The following USP10 variants were observed in gnomAD, a reference collection of about 807,000 sequenced individuals.
The protein encoded by USP10 is ubiquitin carboxyl-terminal hydrolase 10.
In USP10, 22 loss-of-function variants were observed where a neutral mutation model predicts 84.5. The observed-to-expected ratio is 0.26, with a 90% confidence interval of 0.19 to 0.37. USP10 has a LOEUF of 0.37. Ranked by LOEUF, USP10 falls within the 10% of genes least tolerant of loss-of-function variation. The pLI, the probability that USP10 is intolerant of heterozygous loss-of-function variation, is 1.00. For missense variants in USP10, 1,019 were observed against 998.9 expected, an observed-to-expected ratio of 1.02 and a Z score of -0.27; for synonymous variants, 454 against 387.6, an observed-to-expected ratio of 1.17 and a Z score of -2.01.
At chr16:84,711,150 A>G (rs1906234103) in intron 1 of USP10, among the ~76,000 whole-genome samples, 1 of 152,192 alleles carries the variant, frequency 6.6e-6, no homozygotes. Flanking sequence ...TTGGCTTGGC[A>G]TTCATTAAGT....
intron 8 of USP10, 83 bp downstream of exon 8, chr16:84,760,358 T>G: frequency 8.1e-7 from 1 of 1,236,636 alleles, no homozygotes; most frequent in South Asian, 1.3e-5. Flanking sequence ...TTATTGATAT[T>G]TGCCCTCTGT....
Position 84,711,989 on chromosome 16 carries a change from G to C in USP10, c.21+11878G>C, listed in dbSNP as rs553066238. Among the ~76,000 whole-genome samples, 7 of 152,170 alleles carry C rather than the reference G, an allele frequency of 4.6e-5. No individual in the cohort carries two copies. In the South Asian group the frequency reaches 1.2e-3, roughly 27 times the overall value. On this transcript the variant is annotated intron_variant, in intron 1 of 13. Transcript: ENST00000219473. ...CCTGCCTCAGCCTCCCAATGTACTG[G>C]GGTTACAGGCATGAGCCACCGCGCC... is the stretch of plus-strand genomic sequence containing the variant.
At chr16:84,707,677 T>C (rs1474320798) in intron 1 of USP10, among the ~76,000 whole-genome samples, 4 of 152,254 alleles carry the variant, frequency 2.6e-5, no homozygotes, top group African/African-American at 9.6e-5. Context: ...ATGAAGCAGA[T>C]ATTCTGGAGA....
At position 84,745,521 on chromosome 16, in the gene USP10, A is replaced by G; in HGVS notation, c.1040A>G (p.His347Arg). Residue 347 changes from histidine (H) to arginine (R), a missense_variant, in exon 4 of 14, where the codon CAT (histidine) becomes CGT (arginine). This residue lies in a region of USP10 where 787 missense variants were observed against 708.8 expected (regional missense o/e 1.11). Coordinates refer to ENST00000219473, the MANE Select transcript of USP10 (RefSeq NM_005153.3). ...SQPKSWASLF[H>R]DSKPSSSSPV... ...CCCAAGTCCTGGGCCAGCCTCTTTC[A>G]TGATTCTAAGCCCTCTTCCTCCTCG... 3 of 1,613,448 alleles carry G rather than the reference A, an allele frequency of 1.9e-6. No individual in the cohort carries two copies. In the South Asian group the frequency reaches 3.3e-5, roughly 18 times the overall value.
At chr16:84,759,567 A>T (rs1912959837) in intron 6 of USP10, 95 bp downstream of exon 6, 1 of 1,142,746 alleles carries the variant, frequency 8.8e-7, no homozygotes, top group African/African-American at 1.5e-5. Flanking sequence ...GATTTCCTGC[A>T]AATGAGTCCT....
intron 1 of USP10, among the ~76,000 whole-genome samples, chr16:84,715,713 C>G (rs962079615): frequency 5.3e-5 from 8 of 152,118 alleles, no homozygotes; most frequent in Admixed American, 6.5e-5. Context: ...GATTTAGTGG[C>G]TCATGTAACT....
chr16:84,752,064 C>A (rs1911996501), intron 4 of USP10, among the ~76,000 whole-genome samples: 1 of 152,124 alleles, frequency 6.6e-6, no homozygotes, highest in African/African-American at 2.4e-5. Context: ...CTCCATTTTT[C>A]TGTATGTCAG....
rs143878734 is a variant in USP10, at chr16:84,733,623, A to G, written c.90+120A>G. On this transcript the variant is annotated intron_variant, in intron 2 of 13. Coordinates refer to ENST00000219473, the MANE Select transcript of USP10 (RefSeq NM_005153.3). ...TGTAGAGAAAAGTATGGAGACTAAT[A>G]TGAGAAATGCCTCAACCCACCAACT... The G allele has an allele frequency of 6.5e-4, 431 of 662,544 alleles. 2 individuals carry two copies. In the African/African-American group the frequency reaches 7.0e-3, roughly 11 times the overall value. 41.0% of individuals were successfully genotyped at this position (662,544 alleles called of 1,614,324 possible). A position where few individuals can be genotyped will look rare whatever the true frequency, so the allele number is the denominator to read the frequency against.
chr16:84,768,397 GCTCTGGTT>G (rs1567648352), intron 11 of USP10, 39 bp downstream of exon 11: 1 of 1,488,790 alleles, frequency 6.7e-7, no homozygotes, highest in East Asian at 2.4e-5. Context: ...CTACTAAGGT[GCTCTGGTT>G]TGGTGGAAAG....
At chr16:84,724,503 G>C (rs963318968) in intron 1 of USP10, among the ~76,000 whole-genome samples, 2 of 152,194 alleles carry the variant, frequency 1.3e-5, no homozygotes, top group African/African-American at 4.8e-5. Context: ...GAGAGAGGCT[G>C]CCTGTGAGAG....
rs1471283942 is a variant in USP10, at chr16:84,700,094, G to A, written c.4G>A (p.Ala2Thr). 1 of 1,358,508 alleles carries A rather than the reference G, an allele frequency of 7.4e-7. No homozygotes were observed. The highest frequency in any genetic ancestry group is 9.7e-7 in the Non-Finnish European group (1 of 1,034,588). The allele number at this position is 1,358,508 out of a possible 1,614,324, so 84.2% of individuals were successfully genotyped here. Residue 2 changes from alanine (A) to threonine (T), a missense_variant, in exon 1 of 14, where the codon GCC (alanine) becomes ACC (threonine). By Grantham distance (58) the Ala-to-Thr change is moderately conservative. Transcript: ENST00000219473. M[A>T]LHSPQYIFGD... ...AGTCCCAATGAAACGGGCAGCCATGGCCCTCCACAGCCCGCAGGTAGCCGC... is the reference window on the plus strand; with the variant it reads ...AGTCCCAATGAAACGGGCAGCCATGACCCTCCACAGCCCGCAGGTAGCCGC...
At chr16:84,713,425 C>T (rs1370682064) in intron 1 of USP10, among the ~76,000 whole-genome samples, 1 of 152,044 alleles carries the variant, frequency 6.6e-6, no homozygotes, top group Non-Finnish European at 1.5e-5. Context: ...TCTGCTTGCT[C>T]CCTCTCCAGA....
chr16:84,766,810 A>T (rs1378626042), intron 10 of USP10, among the ~76,000 whole-genome samples: 1 of 152,190 alleles, frequency 6.6e-6, no homozygotes, highest in East Asian at 1.9e-4. Flanking sequence ...TAAAGCAAAG[A>T]TAGGGAATTC....
Position 84,744,862 on chromosome 16 carries a change from T to C in USP10, c.381T>C (p.Ser127=). 1 of 1,613,688 alleles carries C rather than the reference T, an allele frequency of 6.2e-7. No homozygotes were observed. The highest frequency in any genetic ancestry group is 8.5e-7 in the Non-Finnish European group (1 of 1,179,710). ...GCTCTGCCCTCGCTTTGGATGGAAG[T>C]TCTAATGTGGAGGCGGAAGTTTTGG... ...YPGSALALDG[S]SNVEAEVLEN... Residue 127 remains serine (S), a synonymous_variant, in exon 4 of 14, where the codon AGT becomes AGC. Coordinates refer to ENST00000219473, the MANE Select transcript of USP10 (RefSeq NM_005153.3).
chr16:84,710,504 C>T (rs1468599652), intron 1 of USP10, among the ~76,000 whole-genome samples: 2 of 152,182 alleles, frequency 1.3e-5, no homozygotes, highest in South Asian at 4.1e-4. Context: ...TCAGTGTCCT[C>T]AGTGGTAATT....
In USP10 at chr16:84,744,975, A is replaced by G. The variant is rs780056292; in HGVS notation, c.494A>G (p.Asp165Gly). The change falls in exon 4 of 14, where the codon GAT (aspartate) becomes GGT (glycine). Residue 165 changes from aspartate to glycine, a missense_variant. By Grantham distance (94) the Asp-to-Gly change is moderately conservative. Coordinates refer to ENST00000219473, the MANE Select transcript of USP10 (RefSeq NM_005153.3). ...CCTGGATATTACAGCTATTTGAAAG[A>G]TGGTGGCGATGATAGTATCTCCACA... ...RPPGYYSYLK[D>G]GGDDSISTEA... is the part of the protein sequence containing the mutation. The G allele has an allele frequency of 1.2e-6, 2 of 1,613,858 alleles. No individual in the cohort carries two copies. The highest frequency in any genetic ancestry group is 2.2e-5 in the South Asian group (2 of 91,076).
intron 2 of USP10, among the ~76,000 whole-genome samples, chr16:84,735,160 A>C (rs1254543566): frequency 6.6e-6 from 1 of 150,856 alleles, no homozygotes; most frequent in Non-Finnish European, 1.5e-5. Flanking sequence ...GCCCCTGAAT[A>C]GCTGGGATTA....
At chr16:84,760,054 C>G in intron 7 of USP10, 108 bp downstream of exon 7, 2 of 1,513,970 alleles carry the variant, frequency 1.3e-6, no homozygotes, top group Non-Finnish European at 1.8e-6. Flanking sequence ...GTCTTTACAC[C>G]TATGCCATTC....
Position 84,745,519 on chromosome 16 carries a change from T to C in USP10, c.1038T>C (p.Phe346=). 2 of 1,613,516 alleles carry C rather than the reference T, an allele frequency of 1.2e-6. No individual in the cohort carries two copies. The highest frequency in any genetic ancestry group is 8.5e-7 in the Non-Finnish European group (1 of 1,179,626). ...VSQPKSWASL[F]HDSKPSSSSP... Reference sequence around the variant, plus strand: ...AGCCCAAGTCCTGGGCCAGCCTCTTTCATGATTCTAAGCCCTCTTCCTCCT... The same window carrying C: ...AGCCCAAGTCCTGGGCCAGCCTCTTCCATGATTCTAAGCCCTCTTCCTCCT... The change falls in exon 4 of 14, where the codon TTT becomes TTC. Residue 346 remains phenylalanine (F), a synonymous_variant. Coordinates refer to ENST00000219473, the MANE Select transcript of USP10 (RefSeq NM_005153.3).
Sources: gnomAD v4.1 joint callset for allele counts (sites outside exome capture counted in the v4.1 genomes callset) on GRCh38, gnomAD v4.1.1 for gene constraint, gnomAD v4.1.1 regional missense constraint, MANE v1.5 for transcripts, NCBI Gene and HGNC (gene_info 2026-07-23, HGNC 2026-07-21) for gene names.